The following TSHZ2 variants were observed in gnomAD, a reference collection of about 807,000 sequenced individuals.
The protein encoded by TSHZ2 is teashirt zinc finger homeobox 2, also known as teashirt homolog 2.
Under a neutral mutation model 74.4 loss-of-function variants are expected in TSHZ2, and 21 were observed. That is an observed-to-expected ratio of 0.28 (90% confidence interval 0.20 to 0.41). The LOEUF (loss-of-function observed/expected upper bound fraction) is 0.41, where lower values mean the gene tolerates loss of function less well. Among genes scored for constraint, TSHZ2 ranks in the 10% least tolerant of loss-of-function variants. The pLI is 1.00. For missense variants in TSHZ2, 1,244 were observed against 1,293.5 expected (o/e 0.96, Z 0.59); for synonymous variants, 540 against 515.3 (o/e 1.05, Z -0.65).
intron 1 of TSHZ2, among the ~76,000 whole-genome samples, chr20:53,051,972 A>T (rs1984483721): frequency 7.3e-6 from 1 of 137,120 alleles, no homozygotes; most frequent in East Asian, 2.3e-4. Flanking sequence ...AAACATTTTT[A>T]AGTGTATTAA....
At chr20:53,244,038 C>T (rs1274582791) in intron 1 of TSHZ2, among the ~76,000 whole-genome samples, 3 of 152,082 alleles carry the variant, frequency 2.0e-5, no homozygotes, top group African/African-American at 4.8e-5. Context: ...TGTTTGACTT[C>T]AAGCCAGGCA....
intron 2 of TSHZ2, among the ~76,000 whole-genome samples, chr20:53,449,325 A>AAAG (rs1984680012): frequency 1.3e-5 from 2 of 152,322 alleles, no homozygotes; most frequent in South Asian, 2.1e-4. Flanking sequence ...TAAGTAAATA[A>AAAG]AAGTTTTCAG....
chr20:53,081,877 A>G (rs1195079653), intron 1 of TSHZ2, among the ~76,000 whole-genome samples: 1 of 149,038 alleles, frequency 6.7e-6, no homozygotes, highest in African/African-American at 2.5e-5. Flanking sequence ...GTACGTAAGT[A>G]TGAAACAAAT....
chr20:53,027,613 G>C (rs1231998543), intron 1 of TSHZ2, among the ~76,000 whole-genome samples: 1 of 152,118 alleles, frequency 6.6e-6, no homozygotes, highest in Non-Finnish European at 1.5e-5. Context: ...TGTTTGGCTG[G>C]AATGAGGATA....
chr20:53,063,028 A>G (rs1448283973), intron 1 of TSHZ2, among the ~76,000 whole-genome samples: 8 of 152,168 alleles, frequency 5.3e-5, no homozygotes, highest in Admixed American at 5.2e-4. Context: ...TTTGTTTGGC[A>G]CCCCCGAAAC....
At chr20:53,323,371 G>A (rs1396498511) in intron 2 of TSHZ2, among the ~76,000 whole-genome samples, 4 of 151,836 alleles carry the variant, frequency 2.6e-5, no homozygotes, top group African/African-American at 7.3e-5. Flanking sequence ...ACCTTCTACC[G>A]TGTGAAGTCT....
chr20:53,337,215 A>C (rs1366085974), intron 2 of TSHZ2, among the ~76,000 whole-genome samples: 2 of 152,222 alleles, frequency 1.3e-5, no homozygotes, highest in Admixed American at 1.3e-4. Context: ...TTCTCCCTGC[A>C]TGCATTGTTG....
At chr20:53,411,410 G>A (rs1349270052) in intron 2 of TSHZ2, among the ~76,000 whole-genome samples, 1 of 152,204 alleles carries the variant, frequency 6.6e-6, no homozygotes, top group Admixed American at 6.5e-5. Context: ...TTAGGAAACA[G>A]TGGTTAAGAG....
At chr20:53,473,190 C>T (rs1479168599) in intron 2 of TSHZ2, among the ~76,000 whole-genome samples, 3 of 145,978 alleles carry the variant, frequency 2.1e-5, no homozygotes, top group African/African-American at 7.8e-5. Flanking sequence ...CTGTAGGCTC[C>T]ACCTCTGGGG....
intron 1 of TSHZ2, among the ~76,000 whole-genome samples, chr20:53,117,854 C>G (rs1274217235): frequency 1.3e-5 from 2 of 152,200 alleles, no homozygotes; most frequent in Non-Finnish European, 2.9e-5. Context: ...GTATGTTTCT[C>G]ACTGCTTAAT....
At chr20:53,455,596 G>T (rs1255514505) in intron 2 of TSHZ2, among the ~76,000 whole-genome samples, 2 of 151,882 alleles carry the variant, frequency 1.3e-5, no homozygotes, top group Non-Finnish European at 2.9e-5. Context: ...AAGTTTTAGG[G>T]TACATGTGCA....
chr20:53,264,464 C>T (rs932721731), intron 2 of TSHZ2, among the ~76,000 whole-genome samples: 2 of 152,190 alleles, frequency 1.3e-5, no homozygotes, highest in African/African-American at 4.8e-5. Context: ...CTTTAAAGTG[C>T]ATAGTCTTAA....
intron 2 of TSHZ2, among the ~76,000 whole-genome samples, chr20:53,375,663 G>T (rs998495026): frequency 6.6e-6 from 1 of 152,104 alleles, no homozygotes; most frequent in Non-Finnish European, 1.5e-5. Flanking sequence ...GCCTATGGGT[G>T]TTCTCCTTCC....
chr20:53,453,052 C>T (rs1984869987), intron 2 of TSHZ2: 3 of 152,178 alleles, frequency 2.0e-5, no homozygotes, highest in Admixed American at 2.0e-4. Flanking sequence ...AGCTACAAGG[C>T]TCCATGTGAT....
chr20:52,994,365 GATGGATGGATGA>G (rs1403997973), intron 1 of TSHZ2, among the ~76,000 whole-genome samples: 2 of 152,142 alleles, frequency 1.3e-5, no homozygotes, highest in South Asian at 2.1e-4. Context: ...TGGATTGATG[GATGGATGGATGA>G]ATGGATGGAT....
intron 1 of TSHZ2, among the ~76,000 whole-genome samples, chr20:53,131,934 G>A (rs769235398): frequency 6.6e-6 from 1 of 151,546 alleles, no homozygotes; most frequent in African/African-American, 2.4e-5. Context: ...GAAAAAGAGA[G>A]GGAGCGAGCC....
chr20:53,226,912 T>C (rs1459566952), intron 1 of TSHZ2, among the ~76,000 whole-genome samples: 1 of 152,196 alleles, frequency 6.6e-6, no homozygotes, highest in Non-Finnish European at 1.5e-5. Flanking sequence ...GAAATTTCAA[T>C]AAATAGTAGG....
intron 1 of TSHZ2, among the ~76,000 whole-genome samples, chr20:53,118,960 G>C (rs1197045215): frequency 6.6e-6 from 1 of 151,838 alleles, no homozygotes; most frequent in Non-Finnish European, 1.5e-5. Context: ...GAGCGAGAGG[G>C]AGAGAGAGAG....
chr20:53,152,702 T>C (rs1372013942), intron 1 of TSHZ2, among the ~76,000 whole-genome samples: 8 of 152,366 alleles, frequency 5.3e-5, no homozygotes, highest in Admixed American at 3.3e-4. Context: ...ATGAGTTGAT[T>C]GACCAATATC....
Sources: allele counts gnomAD v4.1 joint callset (sites outside exome capture counted in the v4.1 genomes callset), GRCh38; gene constraint gnomAD v4.1.1; transcripts MANE v1.5; gene names NCBI Gene and HGNC (gene_info 2026-07-23, HGNC 2026-07-21).